KCNIP4: variants seen among roughly 807,000 people sequenced by gnomAD.
KCNIP4 encodes the protein Kv channel-interacting protein 4.
Under a neutral mutation model 34.0 loss-of-function variants are expected in KCNIP4, and 12 were observed. The ratio of observed to expected loss-of-function variants is 0.35; its 90% CI spans 0.23 to 0.57. The LOEUF (loss-of-function observed/expected upper bound fraction) is 0.57. Ranked by LOEUF, KCNIP4 falls within the 20% of genes least tolerant of loss-of-function variation. The probability of loss-of-function intolerance (pLI) is 0.83; values close to 1 mark genes in which losing one functional copy is unlikely to be tolerated. For missense variants in KCNIP4, 238 were observed against 311.7 expected, an observed-to-expected ratio of 0.76 and a Z score of 1.78; for synonymous variants, 124 against 102.2, an observed-to-expected ratio of 1.21 and a Z score of -1.29.
At chr4:21,865,962 A>G (rs1349571827) in intron 1 of KCNIP4, among the ~76,000 whole-genome samples, 2 of 151,558 alleles carry the variant, frequency 1.3e-5, no homozygotes, top group Non-Finnish European at 1.5e-5. Flanking sequence ...TATGCTATAT[A>G]TATATTATAT....
rs186793213 is a variant in KCNIP4, at chr4:21,943,010, C to T, written c.61+5561G>A. On this transcript the variant is annotated intron_variant, in intron 1 of 8. Transcript: ENST00000382152. ...CTGACCTCAGGCGATCTGCCAGCCT[C>T]GGCCTCCCAAAGTGCTGAGATTACA... Among the ~76,000 whole-genome samples, 216 of 152,254 alleles carry T rather than the reference C, an allele frequency of 1.4e-3. 1 individual carries two copies. The highest frequency in any genetic ancestry group is 4.9e-3 in the African/African-American group (204 of 41,552).
chr4:21,120,443 T>C (rs1377258078), intron 1 of KCNIP4, among the ~76,000 whole-genome samples: 1 of 152,204 alleles, frequency 6.6e-6, no homozygotes, highest in East Asian at 1.9e-4. Flanking sequence ...CACACTGCTA[T>C]AAAGAAATAC....
At chr4:21,027,323 A>G (rs1174442090) in intron 1 of KCNIP4, among the ~76,000 whole-genome samples, 2 of 152,092 alleles carry the variant, frequency 1.3e-5, no homozygotes, top group Non-Finnish European at 2.9e-5. Flanking sequence ...GTTGGAACAG[A>G]AGCTGTGCGG....
chr4:21,198,632 C>G (rs1297306211), intron 1 of KCNIP4, among the ~76,000 whole-genome samples: 2 of 152,180 alleles, frequency 1.3e-5, no homozygotes, highest in Non-Finnish European at 2.9e-5. Context: ...CACTTCCTTA[C>G]CAAGAGATAG....
intron 1 of KCNIP4, among the ~76,000 whole-genome samples, chr4:21,214,142 A>G (rs1757407996): frequency 6.6e-6 from 1 of 152,198 alleles, no homozygotes; most frequent in Non-Finnish European, 1.5e-5. Context: ...GTGTCTGGTC[A>G]GTAGTAAGTA....
chr4:20,917,194 C>T (rs1413935999), intron 1 of KCNIP4, among the ~76,000 whole-genome samples: 4 of 151,066 alleles, frequency 2.6e-5, no homozygotes, highest in East Asian at 2.0e-4. Context: ...CCCACCACCA[C>T]GCCCAGCTAA....
intron 3 of KCNIP4, among the ~76,000 whole-genome samples, chr4:20,814,126 C>T (rs1183772577): frequency 6.6e-6 from 1 of 152,236 alleles, no homozygotes; most frequent in African/African-American, 2.4e-5. Context: ...GGTCCCACAG[C>T]GTCAGTGTCT....
chr4:21,539,132 T>C (rs1373237389), intron 1 of KCNIP4, among the ~76,000 whole-genome samples: 1 of 152,218 alleles, frequency 6.6e-6, no homozygotes, highest in African/African-American at 2.4e-5. Flanking sequence ...TCTCCAGCCA[T>C]GCAGAACTGT....
At chr4:21,601,006 G>C (rs576256796) in intron 1 of KCNIP4, among the ~76,000 whole-genome samples, 1 of 151,794 alleles carries the variant, frequency 6.6e-6, no homozygotes, top group South Asian at 2.1e-4. Flanking sequence ...CACTATTCCA[G>C]TCACTAACGT....
intron 1 of KCNIP4, among the ~76,000 whole-genome samples, chr4:20,933,248 G>GA (rs929189522): frequency 1.1e-4 from 16 of 150,830 alleles, no homozygotes; most frequent in African/African-American, 2.7e-4. Context: ...TGTCTCAAAA[G>GA]AAAAAAAATA....
chr4:20,959,421 C>T (rs1733636593), intron 1 of KCNIP4, among the ~76,000 whole-genome samples: 1 of 152,152 alleles, frequency 6.6e-6, no homozygotes, highest in African/African-American at 2.4e-5. Context: ...GGCTTGGCCC[C>T]AAAATGCTAA....
intron 1 of KCNIP4, among the ~76,000 whole-genome samples, chr4:21,591,713 A>G (rs1231418846): frequency 6.6e-6 from 1 of 151,992 alleles, no homozygotes; most frequent in Admixed American, 6.6e-5. Context: ...TTTGTATGAG[A>G]GTCTTGATTT....
At chr4:21,001,783 G>A (rs969023604) in intron 1 of KCNIP4, among the ~76,000 whole-genome samples, 33 of 152,138 alleles carry the variant, frequency 2.2e-4, no homozygotes, top group African/African-American at 7.7e-4. Context: ...AAGTGCTTTC[G>A]TTTTTGCACA....
chr4:21,016,211 G>T (rs1739527469), intron 1 of KCNIP4, among the ~76,000 whole-genome samples: 1 of 151,156 alleles, frequency 6.6e-6, no homozygotes, highest in African/African-American at 2.4e-5. Context: ...TGAGGGCTTA[G>T]GTCGCTGACA....
At chr4:20,894,182 T>C (rs1726254299) in intron 1 of KCNIP4, among the ~76,000 whole-genome samples, 1 of 152,168 alleles carries the variant, frequency 6.6e-6, no homozygotes, top group Non-Finnish European at 1.5e-5. Context: ...GGTTGAAGCA[T>C]TTTTAACAAT....
intron 1 of KCNIP4, chr4:21,718,361 G>A (rs1371926718): frequency 6.6e-6 from 1 of 151,936 alleles, no homozygotes; most frequent in Non-Finnish European, 1.5e-5. Context: ...ATTGTATATG[G>A]TTGCTAGTTT....
chr4:21,298,913 C>T lies in KCNIP4; in HGVS notation c.62-416204G>A, dbSNP rs549727648. On this transcript the variant is annotated intron_variant, in intron 1 of 8. Coordinates refer to ENST00000382152, the MANE Select transcript of KCNIP4 (RefSeq NM_025221.6). ...TTCTCCCCTTTGCAAAATTATTAGCCATTGCCCTTGATGTTGTAATGCTTA... is the reference window on the plus strand; with the variant it reads ...TTCTCCCCTTTGCAAAATTATTAGCTATTGCCCTTGATGTTGTAATGCTTA... 2.0e-5 allele frequency among the ~76,000 whole-genome samples: 3 copies of T among 152,206 alleles called. No individual in the cohort carries two copies. In the East Asian group the frequency reaches 5.8e-4, roughly 29 times the overall value.
intron 1 of KCNIP4, among the ~76,000 whole-genome samples, chr4:20,906,715 C>T (rs1186487868): frequency 6.6e-6 from 1 of 152,224 alleles, no homozygotes; most frequent in Non-Finnish European, 1.5e-5. Flanking sequence ...TTTATGCTCT[C>T]TACTTTTCTA....
intron 1 of KCNIP4, among the ~76,000 whole-genome samples, chr4:21,386,901 C>T (rs561322538): frequency 3.3e-5 from 5 of 152,252 alleles, no homozygotes; most frequent in African/African-American, 7.2e-5. Flanking sequence ...AGGAACAGGA[C>T]ATCCAGAAAG....
Sources: allele counts gnomAD v4.1 joint callset (sites outside exome capture counted in the v4.1 genomes callset), GRCh38; gene constraint gnomAD v4.1.1; transcripts MANE v1.5; gene names NCBI Gene and HGNC (gene_info 2026-07-23, HGNC 2026-07-21).